RHEB: variants seen among roughly 807,000 people sequenced by gnomAD.
RHEB encodes the protein Ras homolog, mTORC1 binding.
A neutral mutation model predicts 28.8 loss-of-function variants in RHEB; 2 were observed. The ratio of observed to expected loss-of-function variants is 0.07; its 90% CI spans 0.03 to 0.22. The LOEUF is 0.22. RHEB is among the 10% of genes least tolerant of loss of function. The probability of loss-of-function intolerance (pLI) is 1.00; values close to 1 mark genes in which losing one functional copy is unlikely to be tolerated. For synonymous variants in RHEB, 69 were observed against 77.3 expected (o/e 0.89, Z 0.56); for missense variants, 76 against 219.9 (o/e 0.35, Z 4.14).
At chr7:151,507,557 C>A (rs1292747214) in intron 1 of RHEB, among the ~76,000 whole-genome samples, 2 of 152,034 alleles carry the variant, frequency 1.3e-5, no homozygotes, top group African/African-American at 2.4e-5. Context: ...AAGTGAGACA[C>A]CGTTAGAGTT....
chr7:151,508,314 TAAAGA>T (rs1219429326), intron 1 of RHEB, among the ~76,000 whole-genome samples: 1 of 152,236 alleles, frequency 6.6e-6, no homozygotes, highest in Non-Finnish European at 1.5e-5. Context: ...TCATATTTTA[TAAAGA>T]TAATTTCTTC....
At position 151,516,376 on chromosome 7, in the gene RHEB, G is replaced by C. The variant is rs1224558863; in HGVS notation, c.52+3084C>G. On this transcript the variant is annotated intron_variant, in intron 1 of 7. Transcript: ENST00000262187. ...GCAGTGACTCATGCCTGTAATCCCA[G>C]CACTTAGGGAGGCCGAGGCAGGTGG... Among the ~76,000 whole-genome samples the C allele has an allele frequency of 3.9e-5, 6 of 152,262 alleles. No individual in the cohort carries two copies. In the East Asian group the frequency reaches 1.2e-3, roughly 29 times the overall value.
intron 1 of RHEB, among the ~76,000 whole-genome samples, chr7:151,516,011 C>A (rs1315973966): frequency 6.6e-6 from 1 of 151,610 alleles, no homozygotes; most frequent in Non-Finnish European, 1.5e-5. Context: ...AAAGATGTAC[C>A]AGGCTGAAGA....
chr7:151,500,686 T>A (rs759545714), intron 1 of RHEB, among the ~76,000 whole-genome samples: 84 of 152,232 alleles, frequency 5.5e-4, no homozygotes, highest in Non-Finnish European at 1.1e-3. Flanking sequence ...CTACAAAAAA[T>A]TTTTAAAATA....
At chr7:151,491,070 A>G in intron 1 of RHEB, 56 bp from the exon 2 acceptor site, 1 of 1,305,390 alleles carries the variant, frequency 7.7e-7, no homozygotes. Flanking sequence ...AAAAATTTTT[A>G]ATTTTGCTGT....
At chr7:151,479,614 C>T (rs1283144738) in intron 3 of RHEB, among the ~76,000 whole-genome samples, 5 of 144,684 alleles carry the variant, frequency 3.5e-5, no homozygotes, top group Admixed American at 1.5e-4. Context: ...ACCTGGGTGG[C>T]GGAGCTTGCA....
intron 3 of RHEB, among the ~76,000 whole-genome samples, chr7:151,483,069 A>C (rs911954530): frequency 2.0e-5 from 3 of 152,316 alleles, no homozygotes; most frequent in African/African-American, 7.2e-5. Context: ...CATCACCACC[A>C]GCAGGGAGTG....
intron 1 of RHEB, chr7:151,518,928 T>C (rs1584872847): frequency 6.6e-6 from 1 of 152,354 alleles, no homozygotes. Context: ...CCAAACGTCC[T>C]CTAAATCCCT....
chr7:151,514,360 A>T (rs1199924720), intron 1 of RHEB, among the ~76,000 whole-genome samples: 1 of 152,216 alleles, frequency 6.6e-6, no homozygotes, highest in African/African-American at 2.4e-5. Flanking sequence ...TGGCAGGAGA[A>T]AAATAGATAT....
intron 2 of RHEB, among the ~76,000 whole-genome samples, chr7:151,485,491 T>G (rs956645868): frequency 6.6e-6 from 1 of 152,006 alleles, no homozygotes; most frequent in African/African-American, 2.4e-5. Flanking sequence ...ACAGAAACAA[T>G]GTAAAAATAA....
rs1420722733 is a variant in RHEB at position 151,502,313 on chromosome 7, C to T, written c.53-11299G>A. On this transcript the variant is annotated intron_variant, in intron 1 of 7. Transcript: ENST00000262187. Reference sequence around the variant, plus strand: ...ATCACTGATCATTCCTCCCAAAGACCAGATTTCACCAGTGGCAAAAATGTT... The same window carrying T: ...ATCACTGATCATTCCTCCCAAAGACTAGATTTCACCAGTGGCAAAAATGTT... The T allele has an allele frequency of 7.6e-6, 6 of 790,818 alleles. No homozygotes were observed. The East Asian group carries it at 1.2e-4, about 16-fold the overall frequency. 49.0% of individuals were successfully genotyped at this position (790,818 alleles called of 1,614,324 possible). A position where few individuals can be genotyped will look rare whatever the true frequency, so the allele number is the denominator to read the frequency against.
intron 1 of RHEB, among the ~76,000 whole-genome samples, chr7:151,514,423 A>G (rs1425006098): frequency 6.6e-6 from 1 of 152,198 alleles, no homozygotes; most frequent in African/African-American, 2.4e-5. Flanking sequence ...TCGAGAAGGT[A>G]AAAGGACAAC....
intron 3 of RHEB, among the ~76,000 whole-genome samples, chr7:151,479,050 A>G (rs1802325676): frequency 6.6e-6 from 1 of 152,188 alleles, no homozygotes; most frequent in Admixed American, 6.5e-5. Flanking sequence ...TAGCAATATA[A>G]CAATATAATA....
intron 1 of RHEB, chr7:151,502,159 C>A (rs1404894787): frequency 4.6e-6 from 2 of 430,692 alleles, no homozygotes; most frequent in Non-Finnish European, 8.3e-6. Flanking sequence ...TCTTGTGAAC[C>A]CGGGAGGCTT....
intron 1 of RHEB, chr7:151,502,325 G>C: frequency 3.7e-6 from 3 of 817,824 alleles, no homozygotes; most frequent in Non-Finnish European, 2.1e-6. Flanking sequence ...GATTTCACCA[G>C]TGGCAAAAAT....
At chr7:151,508,447 G>T (rs1180861895) in intron 1 of RHEB, among the ~76,000 whole-genome samples, 1 of 152,114 alleles carries the variant, frequency 6.6e-6, no homozygotes, top group East Asian at 1.9e-4. Flanking sequence ...CCTGAAATGT[G>T]CTCAGTTCCG....
In RHEB at chr7:151,511,796, G is replaced by A. The variant is rs977290479; in HGVS notation, c.52+7664C>T. On this transcript the variant is annotated intron_variant, in intron 1 of 7. Transcript: ENST00000262187. ...CTCCCTAGTAGCTGGGATTACAGGC[G>A]CCCACCACCACGCCCAGCTAATTTT... 5.3e-5 allele frequency among the ~76,000 whole-genome samples: 8 copies of A among 152,032 alleles called. No individual in the cohort carries two copies. In the South Asian group the frequency reaches 8.3e-4, roughly 16 times the overall value.
intron 1 of RHEB, chr7:151,518,212 TC>T: frequency 6.6e-6 from 1 of 152,058 alleles, no homozygotes; most frequent in Non-Finnish European, 1.5e-5. Flanking sequence ...GCCCTTAATT[TC>T]CCCCCGGCTC....
chr7:151,494,749 TCTCTCCTCCCTGGGG>T (rs969530791), intron 1 of RHEB, among the ~76,000 whole-genome samples: 50 of 152,202 alleles, frequency 3.3e-4, no homozygotes, highest in African/African-American at 1.2e-3. Flanking sequence ...TTCCCTTGGG[TCTCTCCTCCCTGGGG>T]CTCTCCCGCC....
Sources: gnomAD v4.1 joint callset for allele counts (sites outside exome capture counted in the v4.1 genomes callset) on GRCh38, gnomAD v4.1.1 for gene constraint, MANE v1.5 for transcripts, NCBI Gene and HGNC (gene_info 2026-07-23, HGNC 2026-07-21) for gene names.